The following SEC24B variants were observed in gnomAD, a reference collection of about 807,000 sequenced individuals.
SEC24B encodes the protein SEC24 homolog B, COPII component.
A neutral mutation model predicts 142.8 loss-of-function variants in SEC24B; 45 were observed. The ratio of observed to expected loss-of-function variants is 0.32; its 90% CI spans 0.25 to 0.40. SEC24B has a LOEUF of 0.40. Among genes scored for constraint, SEC24B ranks in the 10% least tolerant of loss-of-function variants. The probability of loss-of-function intolerance (pLI) is 1.00; values close to 1 mark genes in which losing one functional copy is unlikely to be tolerated. For missense variants in SEC24B, 1,409 were observed against 1,526.8 expected, an observed-to-expected ratio of 0.92 and a Z score of 1.29; for synonymous variants, 574 against 568.2, an observed-to-expected ratio of 1.01 and a Z score of -0.15.
At chr4:109,500,407 T>G (rs568851035) in intron 6 of SEC24B, among the ~76,000 whole-genome samples, 123 of 151,668 alleles carry the variant, frequency 8.1e-4, no homozygotes, top group Non-Finnish European at 1.3e-3. Flanking sequence ...ACCTGGGCAT[T>G]GTGGCGAGTG....
intron 3 of SEC24B, among the ~76,000 whole-genome samples, chr4:109,475,277 A>G (rs1031004628): frequency 2.0e-5 from 3 of 152,214 alleles, no homozygotes; most frequent in Admixed American, 2.0e-4. Context: ...TCTGAGCTAT[A>G]CAACCTAATT....
intron 17 of SEC24B, among the ~76,000 whole-genome samples, chr4:109,526,984 C>T (rs926736811): frequency 2.0e-4 from 30 of 151,866 alleles, no homozygotes; most frequent in Middle Eastern, 3.4e-3. Flanking sequence ...TTTGGGAGGC[C>T]GAGGTGGGTG....
chr4:109,481,779 C>A lies in SEC24B; in HGVS notation c.1163C>A (p.Ala388Glu). 6.2e-7 allele frequency: 1 copy of A among 1,612,280 alleles called. No individual in the cohort carries two copies. Among genetic ancestry groups the A allele is most frequent in the Non-Finnish European group, 8.5e-7 (1 of 1,178,538 alleles). ...GAAGAGGAGGAGGAGGATGAGGAAG[C>A]AGGTCTGCTTTAGCTTTACACCAGT... ...DEEEEEEDEEAGVDSSSTTSS... is the reference protein window; with the variant it reads ...DEEEEEEDEEEGVDSSSTTSS... Residue 388 changes from alanine (A) to glutamate (E), a missense_variant and splice_region_variant, in exon 4 of 24, where the codon GCA (alanine) becomes GAA (glutamate). Around this residue, in one of 2 missense-constraint regions of SEC24B, gnomAD observed 709 missense variants for 673.5 expected, o/e 1.05. Transcript: ENST00000265175.
At chr4:109,520,015 TGATA>T (rs1723431618) in intron 11 of SEC24B, among the ~76,000 whole-genome samples, 1 of 152,218 alleles carries the variant, frequency 6.6e-6, no homozygotes, top group African/African-American at 2.4e-5. Context: ...AAAAGATTAA[TGATA>T]GATAAAATGT....
At chr4:109,438,767 AT>A (rs1728651268) in intron 1 of SEC24B, among the ~76,000 whole-genome samples, 1 of 152,214 alleles carries the variant, frequency 6.6e-6, no homozygotes, top group Non-Finnish European at 1.5e-5. Flanking sequence ...GCTTGACTTG[AT>A]TTCAAGTCTG....
intron 18 of SEC24B, 57 bp downstream of exon 18, chr4:109,527,489 C>T: frequency 7.6e-7 from 1 of 1,322,420 alleles, no homozygotes. Flanking sequence ...AAAACTGAAG[C>T]TTGGCTGGTG....
At chr4:109,508,383 G>A (rs944619565) in intron 7 of SEC24B, among the ~76,000 whole-genome samples, 2 of 151,924 alleles carry the variant, frequency 1.3e-5, no homozygotes, top group African/African-American at 4.8e-5. Context: ...TGGACAACAT[G>A]GCGAAACCCC....
chr4:109,436,343 CATTT>C (rs1229469847), intron 1 of SEC24B, among the ~76,000 whole-genome samples: 1 of 152,048 alleles, frequency 6.6e-6, no homozygotes, highest in African/African-American at 2.4e-5. Context: ...TTGGGTTTCT[CATTT>C]ATTTTTCAGT....
intron 4 of SEC24B, among the ~76,000 whole-genome samples, chr4:109,486,902 C>T (rs879840623): frequency 4.6e-5 from 7 of 152,096 alleles, no homozygotes; most frequent in Non-Finnish European, 7.4e-5. Context: ...CGGTGGCTCA[C>T]GCCTGTAATC....
At chr4:109,520,333 CTCTGAA>C (rs1301492318) in intron 11 of SEC24B, 27 bp from the exon 12 acceptor site, 1 of 1,250,156 alleles carries the variant, frequency 8.0e-7, no homozygotes, top group African/African-American at 1.5e-5. Flanking sequence ...TTACTGAGCA[CTCTGAA>C]TTTAAAATTG....
intron 6 of SEC24B, among the ~76,000 whole-genome samples, chr4:109,496,246 G>A (rs1025412636): frequency 1.3e-5 from 2 of 151,978 alleles, no homozygotes; most frequent in Non-Finnish European, 2.9e-5. Context: ...CCGAGTAGCT[G>A]TGATTACAGG....
chr4:109,466,097 T>C (rs1267572124), intron 2 of SEC24B, among the ~76,000 whole-genome samples: 1 of 152,186 alleles, frequency 6.6e-6, no homozygotes, highest in Non-Finnish European at 1.5e-5. Flanking sequence ...AAATTAAATA[T>C]TGCCAAAGTT....
chr4:109,496,920 G>C (rs1173767453), intron 6 of SEC24B, among the ~76,000 whole-genome samples: 1 of 152,122 alleles, frequency 6.6e-6, no homozygotes, highest in East Asian at 1.9e-4. Context: ...TTTATGATGA[G>C]AAAACCAGGT....
intron 1 of SEC24B, among the ~76,000 whole-genome samples, chr4:109,450,303 G>A (rs1264241854): frequency 1.3e-5 from 2 of 152,074 alleles, no homozygotes. Flanking sequence ...AATCACCACA[G>A]TAATTAAGAA....
chr4:109,480,948 A>G (rs1489685272), intron 3 of SEC24B, among the ~76,000 whole-genome samples: 1 of 152,156 alleles, frequency 6.6e-6, no homozygotes, highest in African/African-American at 2.4e-5. Flanking sequence ...TTTCTACAGA[A>G]TCTGCCTTCT....
At chr4:109,532,338 A>G (rs1725018854) in intron 20 of SEC24B, among the ~76,000 whole-genome samples, 1 of 152,212 alleles carries the variant, frequency 6.6e-6, no homozygotes, top group African/African-American at 2.4e-5. Flanking sequence ...AATGTAAAAA[A>G]AAAAGCTGGC....
At chr4:109,461,441 T>C (rs1276007626) in intron 1 of SEC24B, among the ~76,000 whole-genome samples, 2 of 152,168 alleles carry the variant, frequency 1.3e-5, no homozygotes, top group African/African-American at 2.4e-5. Flanking sequence ...CCCCAAGATA[T>C]TCATCAATGG....
chr4:109,520,470 T>G lies in SEC24B; in HGVS notation c.2231T>G (p.Val744Gly). ...EGLSQPQMLI[V>G]SDIDDVFLPT... ...TTATCACAGCCTCAAATGTTGATTG[T>G]GTCTGATATAGATGGTAAGCAGTCA... The change falls in exon 12 of 24, where the codon GTG (valine) becomes GGG (glycine). Residue 744 changes from valine (V) to glycine (G), a missense_variant. Physicochemically the swap from Val to Gly is moderately radical, Grantham distance 109. Around this residue, in one of 2 missense-constraint regions of SEC24B, gnomAD observed 700 missense variants for 853.3 expected, o/e 0.82. Coordinates refer to ENST00000265175, the MANE Select transcript of SEC24B (RefSeq NM_006323.5). 6 of 1,592,506 alleles carry G rather than the reference T, an allele frequency of 3.8e-6. No individual in the cohort carries two copies. Among genetic ancestry groups the G allele is most frequent in the Non-Finnish European group, 5.2e-6 (6 of 1,160,914 alleles).
At position 109,538,513 on chromosome 4, in the gene SEC24B, T is replaced by C; in HGVS notation, c.3609T>C (p.Asp1203=). 6.2e-7 allele frequency: 1 copy of C among 1,612,712 alleles called. No individual in the cohort carries two copies. The highest frequency in any genetic ancestry group is 8.5e-7 in the Non-Finnish European group (1 of 1,178,794). ...ACCAGACACATCTTCCAGAGCTAGA[T>C]ACACTTTCATCAGAAAGAGCCAGAT... ...PQKMTHLPEL[D]TLSSERARSF... Residue 1203 remains aspartate, a synonymous_variant, in exon 23 of 24, where the codon GAT becomes GAC. Transcript: ENST00000265175.
Sources: gnomAD v4.1 joint callset for allele counts (sites outside exome capture counted in the v4.1 genomes callset) on GRCh38, gnomAD v4.1.1 for gene constraint, gnomAD v4.1.1 regional missense constraint, MANE v1.5 for transcripts, NCBI Gene and HGNC (gene_info 2026-07-23, HGNC 2026-07-21) for gene names.